The following SCHIP1 variants were observed in gnomAD, a reference collection of about 807,000 sequenced individuals.
SCHIP1 encodes the protein schwannomin-interacting protein 1.
A neutral mutation model predicts 29.7 loss-of-function variants in SCHIP1; 8 were observed. The ratio of observed to expected loss-of-function variants is 0.27; its 90% CI spans 0.16 to 0.49. The LOEUF (loss-of-function observed/expected upper bound fraction) is 0.49. SCHIP1 is among the 20% of genes least tolerant of loss of function. SCHIP1 has a pLI of 0.99. For synonymous variants in SCHIP1, 76 were observed against 94.9 expected, an observed-to-expected ratio of 0.80 and a Z score of 1.16; for missense variants, 193 against 294.6, an observed-to-expected ratio of 0.66 and a Z score of 2.52.
intron 3 of SCHIP1, 36 bp downstream of exon 4, chr3:159,886,360 G>C (rs1560096939): frequency 1.3e-6 from 2 of 1,586,808 alleles, no homozygotes; most frequent in Non-Finnish European, 1.7e-6. Flanking sequence ...GCTCGGTGTT[G>C]TGATTTCCGG....
the SCHIP1 span, among the ~76,000 whole-genome samples, chr3:159,329,727 T>A: frequency 1.3e-5 from 2 of 152,240 alleles, no homozygotes; most frequent in African/African-American, 4.8e-5. Flanking sequence ...CATTTCCTAT[T>A]TTCTGTTAAC....
chr3:159,829,005 TC>T, the SCHIP1 span, among the ~76,000 whole-genome samples: 5 of 152,210 alleles, frequency 3.3e-5, no homozygotes, highest in African/African-American at 1.2e-4. Context: ...GTTCTCTGAC[TC>T]CAAATGCTGG....
chr3:159,802,826 T>C, the SCHIP1 span, among the ~76,000 whole-genome samples: 1 of 152,218 alleles, frequency 6.6e-6, no homozygotes, highest in Non-Finnish European at 1.5e-5. Flanking sequence ...CTCATGCATG[T>C]AAAAGAAGTG....
chr3:159,380,038 A>G, the SCHIP1 span, among the ~76,000 whole-genome samples: 1 of 152,200 alleles, frequency 6.6e-6, no homozygotes, highest in Non-Finnish European at 1.5e-5. Flanking sequence ...TTTAACTAAG[A>G]TCCAAATGTA....
chr3:159,404,039 C>T, the SCHIP1 span, among the ~76,000 whole-genome samples: 3 of 152,164 alleles, frequency 2.0e-5, no homozygotes, highest in Admixed American at 1.3e-4. Context: ...CAGAAGGAAA[C>T]ATGCTACCTT....
At chr3:159,328,556 G>A in the SCHIP1 span, among the ~76,000 whole-genome samples, 1 of 152,108 alleles carries the variant, frequency 6.6e-6, no homozygotes, top group Non-Finnish European at 1.5e-5. Context: ...ACCTCAGGTG[G>A]AAAAGGGTGG....
At chr3:159,335,500 C>G in the SCHIP1 span, among the ~76,000 whole-genome samples, 10 of 152,246 alleles carry the variant, frequency 6.6e-5, no homozygotes, top group South Asian at 2.1e-4. Flanking sequence ...CACTCCCCCC[C>G]AGTCCACAAC....
the SCHIP1 span, among the ~76,000 whole-genome samples, chr3:159,488,598 G>T: frequency 3.3e-5 from 5 of 152,132 alleles, no homozygotes; most frequent in Non-Finnish European, 7.4e-5. Flanking sequence ...AGGGGACAGG[G>T]GTGAGCACTG....
chr3:159,702,788 C>T, the SCHIP1 span, among the ~76,000 whole-genome samples: 72 of 152,268 alleles, frequency 4.7e-4, no homozygotes, highest in Non-Finnish European at 1.8e-4. Context: ...TTCAACTATA[C>T]CAACTTTATT....
chr3:159,405,291 A>G, the SCHIP1 span, among the ~76,000 whole-genome samples: 1 of 152,300 alleles, frequency 6.6e-6, no homozygotes, highest in Non-Finnish European at 1.5e-5. Context: ...TCACCAAATG[A>G]ACTAAATAAG....
At chr3:159,849,696 G>C (rs1476669449) in intron 1 of SCHIP1, among the ~76,000 whole-genome samples, 1 of 152,206 alleles carries the variant, frequency 6.6e-6, no homozygotes, top group Non-Finnish European at 1.5e-5. Flanking sequence ...GCTGTGCTGG[G>C]GCTGGGATAA....
chr3:159,512,778 T>A, the SCHIP1 span, among the ~76,000 whole-genome samples: 2 of 152,252 alleles, frequency 1.3e-5, no homozygotes, highest in Admixed American at 1.3e-4. Flanking sequence ...CCTGCTGTGC[T>A]ATCAAATAGT....
At chr3:159,753,365 GT>G in the SCHIP1 span, among the ~76,000 whole-genome samples, 1 of 152,090 alleles carries the variant, frequency 6.6e-6, no homozygotes, top group African/African-American at 2.4e-5. Context: ...TGTCTTTCCT[GT>G]TTTTTTCTCC....
At chr3:159,651,293 G>A in the SCHIP1 span, among the ~76,000 whole-genome samples, 2 of 152,186 alleles carry the variant, frequency 1.3e-5, no homozygotes, top group Admixed American at 6.5e-5. Flanking sequence ...TGCAACAAAT[G>A]TGTGTTACTT....
At chr3:159,508,120 A>G in the SCHIP1 span, among the ~76,000 whole-genome samples, 163 of 152,258 alleles carry the variant, frequency 1.1e-3, 4 homozygotes, top group Admixed American at 0.011. Flanking sequence ...TCGGTAAGCT[A>G]TTAATTATTG....
At chr3:159,399,094 T>G in the SCHIP1 span, 3 of 233,386 alleles carry the variant, frequency 1.3e-5, no homozygotes, top group Admixed American at 6.5e-5. Context: ...CCAGGCACAC[T>G]CTGGATTGGA....
chr3:159,734,006 C>A, the SCHIP1 span, among the ~76,000 whole-genome samples: 1 of 151,940 alleles, frequency 6.6e-6, no homozygotes, highest in African/African-American at 2.4e-5. Flanking sequence ...TCATTTTGTA[C>A]CAAGCAAATC....
the SCHIP1 span, among the ~76,000 whole-genome samples, chr3:159,661,110 A>G: frequency 6.6e-6 from 1 of 152,206 alleles, no homozygotes. Context: ...CTATGATAAG[A>G]AGGGAGTAGC....
chr3:159,770,925 C>A, the SCHIP1 span, among the ~76,000 whole-genome samples: 1 of 152,196 alleles, frequency 6.6e-6, no homozygotes, highest in East Asian at 1.9e-4. Context: ...GCTGTAGACT[C>A]AACACATTTT....
Sources: allele counts gnomAD v4.1 joint callset (sites outside exome capture counted in the v4.1 genomes callset), GRCh38; gene constraint gnomAD v4.1.1; transcripts MANE v1.5; gene names NCBI Gene and HGNC (gene_info 2026-07-23, HGNC 2026-07-21).